The following MET variants were observed in gnomAD, a reference collection of about 807,000 sequenced individuals.
The protein encoded by MET is MET proto-oncogene, receptor tyrosine kinase.
A neutral mutation model predicts 133.1 loss-of-function variants in MET; 48 were observed. That is an observed-to-expected ratio of 0.36 (90% CI 0.29 to 0.46). The LOEUF (loss-of-function observed/expected upper bound fraction) is 0.46, where lower values mean the gene tolerates loss of function less well. Among genes scored for constraint, MET ranks in the 20% least tolerant of loss-of-function variants. The probability of loss-of-function intolerance (pLI) is 1.00; values close to 1 mark genes in which losing one functional copy is unlikely to be tolerated. For missense variants in MET, 1,442 were observed against 1,695.9 expected, an observed-to-expected ratio of 0.85 and a Z score of 2.63; for synonymous variants, 628 against 616.5, an observed-to-expected ratio of 1.02 and a Z score of -0.28.
chr7:116,788,624 G>A (rs532887056), intron 19 of MET, among the ~76,000 whole-genome samples: 126 of 152,330 alleles, frequency 8.3e-4, no homozygotes, highest in African/African-American at 3.0e-3. Context: ...ACTATTTTGT[G>A]CTACATAAAG....
chr7:116,743,754 G>A (rs188710120), intron 5 of MET, among the ~76,000 whole-genome samples: 62 of 152,342 alleles, frequency 4.1e-4, no homozygotes, highest in Admixed American at 1.1e-3. Flanking sequence ...ACACCTCCCA[G>A]CAGGGGTCGA....
chr7:116,755,512 A>C lies in MET; in HGVS notation c.1859A>C (p.Asn620Thr). Residue 620 changes from asparagine to threonine, a missense_variant, in exon 6 of 21, where the codon AAT (asparagine) becomes ACT (threonine). Transcript: ENST00000397752. ...CTLTLSESTM[N>T]TLKCTVGPAM... ...TTGACTTTAAGTGAGAGCACGATGA[A>C]TACGTAAGGATCTTAAAATGCTTTG... 1 of 1,614,104 alleles carries C rather than the reference A, an allele frequency of 6.2e-7. No homozygotes were observed. The highest frequency in any genetic ancestry group is 8.5e-7 in the Non-Finnish European group (1 of 1,179,980).
chr7:116,743,985 G>A (rs1000009944), intron 5 of MET, among the ~76,000 whole-genome samples: 3 of 152,122 alleles, frequency 2.0e-5, no homozygotes, highest in African/African-American at 7.2e-5. Flanking sequence ...GAAAGCAATA[G>A]CATTAACATA....
chr7:116,691,829 T>TTGCTTTGGC (rs1236177974), intron 1 of MET, among the ~76,000 whole-genome samples: 25 of 152,322 alleles, frequency 1.6e-4, no homozygotes, highest in Admixed American at 3.3e-4. Context: ...GGCCACATAC[T>TTGCTTTGGC]CAACCCTGAC....
intron 2 of MET, among the ~76,000 whole-genome samples, chr7:116,716,627 G>A (rs116662833): frequency 1.1e-4 from 16 of 152,342 alleles, no homozygotes; most frequent in African/African-American, 3.8e-4. Flanking sequence ...GAAATAGGAA[G>A]CTGGAAGAGG....
chr7:116,743,240 A>G (rs1284446344), intron 5 of MET, among the ~76,000 whole-genome samples: 1 of 152,262 alleles, frequency 6.6e-6, no homozygotes, highest in Admixed American at 6.5e-5. Flanking sequence ...GGCAACTAAC[A>G]GACCAGGAGA....
intron 19 of MET, among the ~76,000 whole-genome samples, chr7:116,784,226 A>C (rs1795242482): frequency 6.6e-6 from 1 of 152,256 alleles, no homozygotes; most frequent in South Asian, 2.1e-4. Context: ...AGTTATGAGA[A>C]TAAATGGAGA....
At chr7:116,700,654 C>T (rs1791544798) in intron 2 of MET, among the ~76,000 whole-genome samples, 1 of 152,134 alleles carries the variant, frequency 6.6e-6, no homozygotes, top group Non-Finnish European at 1.5e-5. Flanking sequence ...TCCCATAAAA[C>T]ATAATTATTG....
intron 2 of MET, 86 bp from the exon 3 acceptor site, chr7:116,731,582 G>A: frequency 7.3e-7 from 1 of 1,365,276 alleles, no homozygotes; most frequent in Non-Finnish European, 1.0e-6. Flanking sequence ...TTATCCTCCA[G>A]GCTCTGAAAA....
intron 1 of MET, among the ~76,000 whole-genome samples, chr7:116,683,881 TG>T (rs1562874718): frequency 6.6e-6 from 1 of 152,264 alleles, no homozygotes; most frequent in African/African-American, 2.4e-5. Context: ...TCTAGTCTTC[TG>T]TAAGGCTCCA....
At chr7:116,775,900 A>G (rs1794980374) in intron 15 of MET, among the ~76,000 whole-genome samples, 1 of 152,188 alleles carries the variant, frequency 6.6e-6, no homozygotes, top group Non-Finnish European at 1.5e-5. Context: ...CTAAAGCAAC[A>G]TATATCATCT....
At chr7:116,676,458 CCA>C (rs1796162654) in intron 1 of MET, among the ~76,000 whole-genome samples, 1 of 152,282 alleles carries the variant, frequency 6.6e-6, no homozygotes, top group South Asian at 2.1e-4. Flanking sequence ...TCTGGCATTT[CCA>C]CAGAGTATAA....
intron 1 of MET, among the ~76,000 whole-genome samples, chr7:116,683,078 A>G (rs569651880): frequency 1.3e-5 from 2 of 152,060 alleles, no homozygotes; most frequent in East Asian, 3.9e-4. Context: ...TTTCTTTTTT[A>G]AAAAAATTAT....
intron 19 of MET, among the ~76,000 whole-genome samples, chr7:116,783,977 C>A (rs1318218096): frequency 1.3e-5 from 2 of 152,212 alleles, no homozygotes; most frequent in Non-Finnish European, 2.9e-5. Context: ...AAGGCATGCA[C>A]CTGAGTGCTG....
intron 5 of MET, among the ~76,000 whole-genome samples, chr7:116,752,428 C>T (rs1176880139): frequency 6.6e-6 from 1 of 152,208 alleles, no homozygotes; most frequent in Non-Finnish European, 1.5e-5. Context: ...GAGACCCAGC[C>T]TCTGTGGCTT....
intron 5 of MET, among the ~76,000 whole-genome samples, chr7:116,747,774 A>T (rs1320227357): frequency 6.6e-6 from 1 of 152,198 alleles, no homozygotes; most frequent in East Asian, 1.9e-4. Flanking sequence ...GACCAAGCAG[A>T]CCTAATAGAC....
At chr7:116,766,124 C>T (rs1014648144) in intron 11 of MET, among the ~76,000 whole-genome samples, 2 of 152,114 alleles carry the variant, frequency 1.3e-5, no homozygotes, top group African/African-American at 4.8e-5. Context: ...TTTAAAGAAA[C>T]TCTGTATTTC....
At chr7:116,752,309 A>C (rs1320331688) in intron 5 of MET, among the ~76,000 whole-genome samples, 1 of 152,140 alleles carries the variant, frequency 6.6e-6, no homozygotes, top group Non-Finnish European at 1.5e-5. Flanking sequence ...TTTTGAAAGC[A>C]TGATCATTTA....
intron 1 of MET, among the ~76,000 whole-genome samples, chr7:116,688,287 T>C (rs540658374): frequency 8.5e-5 from 13 of 152,236 alleles, no homozygotes; most frequent in Non-Finnish European, 1.6e-4. Context: ...ATTTGCGGAT[T>C]TATGTTATTC....
Sources: allele counts gnomAD v4.1 joint callset (sites outside exome capture counted in the v4.1 genomes callset), GRCh38; gene constraint gnomAD v4.1.1; transcripts MANE v1.5; gene names NCBI Gene and HGNC (gene_info 2026-07-23, HGNC 2026-07-21).